Variants in ERCC6L2 observed in about 807,000 individuals in gnomAD.
ERCC6L2 encodes the protein DNA excision repair protein ERCC-6-like 2.
A neutral mutation model predicts 132.0 loss-of-function variants in ERCC6L2; 77 were observed. The ratio of observed to expected loss-of-function variants is 0.58; its 90% CI spans 0.49 to 0.71. The LOEUF is 0.71. ERCC6L2 is among the 30% of genes least tolerant of loss of function. The pLI is 0.00. For missense variants in ERCC6L2, 1,542 were observed against 1,837.6 expected, an observed-to-expected ratio of 0.84 and a Z score of 2.94; for synonymous variants, 583 against 632.4, an observed-to-expected ratio of 0.92 and a Z score of 1.17.
At chr9:95,975,078 A>G (rs1024282704) in intron 16 of ERCC6L2, among the ~76,000 whole-genome samples, 1 of 152,154 alleles carries the variant, frequency 6.6e-6, no homozygotes, top group Admixed American at 6.6e-5. Flanking sequence ...TTTAGGGTTT[A>G]TCTGTTTTTG....
At chr9:95,904,201 G>A (rs1055115849) in intron 3 of ERCC6L2, among the ~76,000 whole-genome samples, 3 of 151,840 alleles carry the variant, frequency 2.0e-5, no homozygotes, top group Non-Finnish European at 1.5e-5. Context: ...TTTATGTTCC[G>A]TAATTTTTCT....
chr9:95,882,125 A>G (rs1423349615), intron 2 of ERCC6L2, among the ~76,000 whole-genome samples: 1 of 152,164 alleles, frequency 6.6e-6, no homozygotes, highest in African/African-American at 2.4e-5. Flanking sequence ...GGACCTCTTC[A>G]TGGGGCATCT....
intron 1 of ERCC6L2, among the ~76,000 whole-genome samples, chr9:95,877,462 A>G (rs1216528695): frequency 6.6e-6 from 1 of 151,880 alleles, no homozygotes; most frequent in Admixed American, 6.6e-5. Flanking sequence ...CAGTTTTTAC[A>G]GTTATGTATA....
downstream of ERCC6L2, among the ~76,000 whole-genome samples, chr9:96,018,782 CTA>C (rs1834235840): frequency 6.6e-6 from 1 of 152,034 alleles, no homozygotes; most frequent in East Asian, 1.9e-4. Flanking sequence ...GCAGGTTAAA[CTA>C]TGATGTTTAT....
chr9:96,028,534 A>G (rs1173775143), intron 19 of ERCC6L2, among the ~76,000 whole-genome samples: 1 of 152,178 alleles, frequency 6.6e-6, no homozygotes, highest in African/African-American at 2.4e-5. Context: ...GCTCTAGGCA[A>G]GTCGAGCCAC....
intron 17 of ERCC6L2, among the ~76,000 whole-genome samples, chr9:95,986,101 G>A (rs918588150): frequency 2.6e-5 from 4 of 152,170 alleles, no homozygotes; most frequent in Non-Finnish European, 4.4e-5. Context: ...CTCCAAAGCA[G>A]TGTAAATTTT....
At chr9:95,898,838 A>G (rs1828605098) in intron 3 of ERCC6L2, among the ~76,000 whole-genome samples, 1 of 152,162 alleles carries the variant, frequency 6.6e-6, no homozygotes, top group South Asian at 2.1e-4. Context: ...TTTCAATGCA[A>G]ACTTTTCAGA....
intron 6 of ERCC6L2, among the ~76,000 whole-genome samples, chr9:95,916,950 A>C (rs1240614037): frequency 6.6e-6 from 1 of 151,988 alleles, no homozygotes; most frequent in Non-Finnish European, 1.5e-5. Flanking sequence ...CTCCCAAAGT[A>C]CTGGAATTAC....
intron 17 of ERCC6L2, among the ~76,000 whole-genome samples, chr9:95,996,819 A>G (rs1424789392): frequency 6.6e-6 from 1 of 152,244 alleles, no homozygotes; most frequent in Non-Finnish European, 1.5e-5. Flanking sequence ...CAGTGCATCT[A>G]GTCACCCAAG....
In ERCC6L2 at chr9:96,038,383, G is replaced by A. The variant is rs373198660; in HGVS notation, c.*1504-493G>A. On this transcript the variant is annotated intron_variant and NMD_transcript_variant, in intron 19 of 20. Coordinates refer to the ERCC6L2 transcript ENST00000670016. ...GGAAGACAGTCTACACTGCAGAGTC[G>A]TATGTGAGGAAGCACATTGCCGCTG... 6.6e-5 allele frequency among the ~76,000 whole-genome samples: 10 copies of A among 152,316 alleles called. No individual in the cohort carries two copies. In the East Asian group the frequency reaches 9.7e-4, roughly 15 times the overall value.
chr9:95,921,048 T>TA, intron 6 of ERCC6L2, 127 bp from the exon 7 acceptor site: 1 of 828,884 alleles, frequency 1.2e-6, no homozygotes, highest in Non-Finnish European at 1.8e-6. Context: ...GTATTGGGAT[T>TA]ACAGGCGTGA....
intron 6 of ERCC6L2, chr9:95,918,160 A>T (rs1587903535): frequency 2.1e-6 from 1 of 472,462 alleles, no homozygotes; most frequent in East Asian, 6.1e-5. Context: ...AGTTGTGGTC[A>T]TCCTGGCTAA....
At chr9:95,943,795 A>G (rs1244211955) in intron 12 of ERCC6L2, among the ~76,000 whole-genome samples, 1 of 152,198 alleles carries the variant, frequency 6.6e-6, no homozygotes, top group African/African-American at 2.4e-5. Flanking sequence ...TATCGGAACT[A>G]TAGTGAGGTA....
chr9:95,956,267 A>G (rs1361214446), intron 13 of ERCC6L2, among the ~76,000 whole-genome samples: 1 of 152,200 alleles, frequency 6.6e-6, no homozygotes, highest in Non-Finnish European at 1.5e-5. Context: ...TCTTGTCAAA[A>G]TACTGATTGT....
chr9:95,933,005 A>T (rs771096835), intron 11 of ERCC6L2, among the ~76,000 whole-genome samples: 18 of 152,214 alleles, frequency 1.2e-4, no homozygotes, highest in East Asian at 1.9e-4. Flanking sequence ...AGAGAGAGAG[A>T]GAGTCTAGGG....
At chr9:96,030,226 G>A (rs1297489918) in intron 19 of ERCC6L2, among the ~76,000 whole-genome samples, 1 of 152,144 alleles carries the variant, frequency 6.6e-6, no homozygotes, top group Non-Finnish European at 1.5e-5. Flanking sequence ...GGGCCAATCA[G>A]CACTCTGTAA....
intron 8 of ERCC6L2, among the ~76,000 whole-genome samples, chr9:95,922,823 G>A (rs1829933619): frequency 6.6e-6 from 1 of 152,124 alleles, no homozygotes; most frequent in African/African-American, 2.4e-5. Flanking sequence ...GCAAAAATCA[G>A]TAATTTCAAA....
At chr9:95,931,754 T>C (rs1830349226) in intron 11 of ERCC6L2, among the ~76,000 whole-genome samples, 1 of 152,174 alleles carries the variant, frequency 6.6e-6, no homozygotes, top group Admixed American at 6.5e-5. Flanking sequence ...TACACTATTC[T>C]AAAATTTCAC....
At chr9:95,922,258 C>T (rs767568447) in intron 7 of ERCC6L2, 47 bp from the exon 8 acceptor site, 5 of 920,048 alleles carry the variant, frequency 5.4e-6, no homozygotes, top group South Asian at 2.8e-5. Flanking sequence ...TAAGCAGGTG[C>T]ATAGCTATGC....
Sources: allele counts gnomAD v4.1 joint callset (sites outside exome capture counted in the v4.1 genomes callset), GRCh38; gene constraint gnomAD v4.1.1; transcripts MANE v1.5; gene names NCBI Gene and HGNC (gene_info 2026-07-23, HGNC 2026-07-21).